Variants in ATF6 observed in about 807,000 individuals in gnomAD.
ATF6 encodes the protein activating transcription factor 6.
Under a neutral mutation model 83.6 loss-of-function variants are expected in ATF6, and 53 were observed. That is an observed-to-expected ratio of 0.63 (90% CI 0.51 to 0.80). The LOEUF (loss-of-function observed/expected upper bound fraction) is 0.80. ATF6 is among the 30% of genes least tolerant of loss of function. ATF6 has a pLI of 0.00. For synonymous variants in ATF6, 288 were observed against 285.8 expected, an observed-to-expected ratio of 1.01 and a Z score of -0.08; for missense variants, 744 against 797.9, an observed-to-expected ratio of 0.93 and a Z score of 0.81.
At chr1:161,899,661 T>A (rs946548824) in intron 14 of ATF6, among the ~76,000 whole-genome samples, 2 of 152,194 alleles carry the variant, frequency 1.3e-5, no homozygotes, top group Non-Finnish European at 2.9e-5. Context: ...TTTTAAACAG[T>A]TTAAATAAAG....
chr1:161,787,071 C>A (rs1157818380), intron 4 of ATF6, among the ~76,000 whole-genome samples: 1 of 152,190 alleles, frequency 6.6e-6, no homozygotes, highest in Non-Finnish European at 1.5e-5. Flanking sequence ...GCAGGAATGT[C>A]ACAGAAGTGC....
At chr1:161,811,467 T>TTG (rs914281002) in intron 7 of ATF6, among the ~76,000 whole-genome samples, 4 of 152,120 alleles carry the variant, frequency 2.6e-5, no homozygotes, top group African/African-American at 9.7e-5. Context: ...TACACTGCGG[T>TTG]TGTGTGTGTG....
chr1:161,799,565 C>G (rs2036495), intron 6 of ATF6, among the ~76,000 whole-genome samples: 22,150 of 152,124 alleles, frequency 0.15, 2,203 homozygotes, highest in East Asian at 0.31. Flanking sequence ...ACCTGCCTGT[C>G]TACCCCCTGA....
At chr1:161,812,467 A>C (rs920497470) in intron 7 of ATF6, among the ~76,000 whole-genome samples, 2 of 121,740 alleles carry the variant, frequency 1.6e-5, no homozygotes, top group South Asian at 5.5e-4. Flanking sequence ...ATCTCGGCTC[A>C]CTGCAAGCTC....
intron 14 of ATF6, among the ~76,000 whole-genome samples, chr1:161,910,926 A>C (rs1031489743): frequency 6.6e-6 from 1 of 152,214 alleles, no homozygotes; most frequent in African/African-American, 2.4e-5. Flanking sequence ...TTCTCATGGA[A>C]ATGTTGCCTT....
chr1:161,819,084 T>C (rs888315230), intron 7 of ATF6, among the ~76,000 whole-genome samples: 1 of 152,146 alleles, frequency 6.6e-6, no homozygotes, highest in Non-Finnish European at 1.5e-5. Flanking sequence ...TTTTAACATA[T>C]TCAATGAGTG....
At chr1:161,814,323 T>G (rs917632297) in intron 7 of ATF6, among the ~76,000 whole-genome samples, 5 of 152,256 alleles carry the variant, frequency 3.3e-5, no homozygotes, top group African/African-American at 1.2e-4. Context: ...GCCCATGGTG[T>G]GGCTTTGCTG....
At chr1:161,908,434 A>G (rs1687920037) in intron 14 of ATF6, among the ~76,000 whole-genome samples, 1 of 152,220 alleles carries the variant, frequency 6.6e-6, no homozygotes, top group Non-Finnish European at 1.5e-5. Context: ...GGAGAACTAT[A>G]TGAAAGTAGC....
intron 14 of ATF6, among the ~76,000 whole-genome samples, chr1:161,890,076 A>G (rs959983433): frequency 2.0e-5 from 3 of 152,210 alleles, no homozygotes; most frequent in African/African-American, 7.2e-5. Context: ...ATACTACATT[A>G]TATCACTTCA....
chr1:161,825,593 T>C (rs1685875259), intron 9 of ATF6, among the ~76,000 whole-genome samples: 1 of 152,108 alleles, frequency 6.6e-6, no homozygotes, highest in African/African-American at 2.4e-5. Context: ...ATAAAGGATA[T>C]GTGGGGCAAG....
chr1:161,812,960 T>G (rs1420549178), intron 7 of ATF6, among the ~76,000 whole-genome samples: 1 of 152,184 alleles, frequency 6.6e-6, no homozygotes, highest in Non-Finnish European at 1.5e-5. Flanking sequence ...CAATTATAAC[T>G]GGTCTTCTCC....
intron 15 of ATF6, among the ~76,000 whole-genome samples, chr1:161,926,265 C>A (rs1688306851): frequency 6.6e-6 from 1 of 152,122 alleles, no homozygotes; most frequent in South Asian, 2.1e-4. Flanking sequence ...TTGTGTGTAA[C>A]AAATTACTCC....
intron 15 of ATF6, 60 bp downstream of exon 15, chr1:161,912,440 T>G: frequency 8.8e-7 from 1 of 1,140,004 alleles, no homozygotes; most frequent in Non-Finnish European, 1.3e-6. Context: ...CAGGATTCTC[T>G]TCATTAGTTC....
intron 15 of ATF6, among the ~76,000 whole-genome samples, chr1:161,927,272 C>T (rs149002548): frequency 2.1e-4 from 32 of 152,268 alleles, no homozygotes; most frequent in African/African-American, 7.2e-4. Context: ...TGTAGGCAAG[C>T]ATTTTATTTA....
At chr1:161,851,597 G>A (rs1345418952) in intron 10 of ATF6, 125 bp from the exon 11 acceptor site, 1 of 575,042 alleles carries the variant, frequency 1.7e-6, no homozygotes, top group Non-Finnish European at 3.1e-6. Context: ...ACTTTATCTT[G>A]CAGTATATTC....
chr1:161,948,961 G>A (rs145045757), intron 15 of ATF6, among the ~76,000 whole-genome samples: 1 of 152,354 alleles, frequency 6.6e-6, no homozygotes, highest in African/African-American at 2.4e-5. Flanking sequence ...ATGAGACCCA[G>A]AATGGCAAAT....
At chr1:161,888,242 C>G (rs900298507) in intron 14 of ATF6, among the ~76,000 whole-genome samples, 9 of 152,072 alleles carry the variant, frequency 5.9e-5, no homozygotes, top group African/African-American at 2.2e-4. Flanking sequence ...TTTAAAAGAG[C>G]AACTAGAAGT....
chr1:161,785,928 A>G (rs1684736622), intron 4 of ATF6, among the ~76,000 whole-genome samples: 1 of 149,136 alleles, frequency 6.7e-6, no homozygotes, highest in South Asian at 2.1e-4. Flanking sequence ...TTTAAGGCCT[A>G]TTTGCATTTC....
intron 4 of ATF6, among the ~76,000 whole-genome samples, chr1:161,787,330 C>T (rs932783544): frequency 5.3e-5 from 8 of 152,096 alleles, no homozygotes; most frequent in African/African-American, 1.9e-4. Context: ...TTATTTTATT[C>T]AACAGATTAT....
Sources: allele counts gnomAD v4.1 joint callset (sites outside exome capture counted in the v4.1 genomes callset), GRCh38; gene constraint gnomAD v4.1.1; transcripts MANE v1.5; gene names NCBI Gene and HGNC (gene_info 2026-07-23, HGNC 2026-07-21).